Variants in EXOC4 observed in about 807,000 individuals in gnomAD.
EXOC4 encodes exocyst complex component 4.
EXOC4 carries 71 observed loss-of-function variants against 107.2 expected under a neutral mutation model. The observed-to-expected ratio is 0.66, with a 90% confidence interval of 0.55 to 0.81. The LOEUF (loss-of-function observed/expected upper bound fraction) is 0.81. Ranked by LOEUF, EXOC4 falls within the 30% of genes least tolerant of loss-of-function variation. EXOC4 has a pLI of 0.00. For missense variants in EXOC4, 1,108 were observed against 1,189.6 expected (o/e 0.93, Z 1.01); for synonymous variants, 456 against 441.2 (o/e 1.03, Z -0.42).
chr7:134,083,315 A>G, the EXOC4 span, among the ~76,000 whole-genome samples: 1 of 152,210 alleles, frequency 6.6e-6, no homozygotes, highest in African/African-American at 2.4e-5. Flanking sequence ...GTCAGGGTCT[A>G]CCTCTAGTCC....
the EXOC4 span, among the ~76,000 whole-genome samples, chr7:134,094,982 T>G: frequency 6.6e-5 from 10 of 151,844 alleles, no homozygotes; most frequent in East Asian, 1.9e-4. Context: ...AAGAAAGAAA[T>G]AAAAGGCATC....
In EXOC4 at chr7:133,609,289, A is replaced by G. The variant is rs144819737; in HGVS notation, c.1418-20756A>G. Among the ~76,000 whole-genome samples the G allele has an allele frequency of 2.6e-5, 4 of 152,296 alleles. No homozygotes were observed. The East Asian group carries it at 7.7e-4, about 29-fold the overall frequency. On this transcript the variant is annotated intron_variant, in intron 9 of 17. Coordinates refer to ENST00000253861, the MANE Select transcript of EXOC4 (RefSeq NM_021807.4). ...CTTCTTCCTATTATTTTATGTGTGGACTGTTTCCATACTTAAATTGAACTT... is the reference window on the plus strand; with the variant it reads ...CTTCTTCCTATTATTTTATGTGTGGGCTGTTTCCATACTTAAATTGAACTT...
chr7:133,578,205 C>A (rs747915340), intron 9 of EXOC4, among the ~76,000 whole-genome samples: 4 of 152,034 alleles, frequency 2.6e-5, no homozygotes, highest in Non-Finnish European at 5.9e-5. Context: ...CCTATTTATC[C>A]CTTTTAAATC....
At chr7:133,967,108 C>A (rs144636590) in intron 14 of EXOC4, among the ~76,000 whole-genome samples, 2 of 152,150 alleles carry the variant, frequency 1.3e-5, no homozygotes, top group East Asian at 3.9e-4. Context: ...CTAGTTTATT[C>A]ACATAGAGGT....
At chr7:134,087,468 C>T in the EXOC4 span, among the ~76,000 whole-genome samples, 4 of 152,266 alleles carry the variant, frequency 2.6e-5, no homozygotes, top group East Asian at 7.7e-4. Context: ...CTCTTTCCTA[C>T]ACAAAGAGTA....
intron 17 of EXOC4, among the ~76,000 whole-genome samples, chr7:134,050,881 G>T (rs915508153): frequency 1.3e-5 from 2 of 152,082 alleles, no homozygotes; most frequent in Admixed American, 6.6e-5. Context: ...AGAACTGGGG[G>T]TTAGTCTAGG....
At chr7:133,281,258 A>G (rs1001325667) in intron 2 of EXOC4, among the ~76,000 whole-genome samples, 1 of 151,880 alleles carries the variant, frequency 6.6e-6, no homozygotes, top group African/African-American at 2.4e-5. Context: ...CAATGTGCAC[A>G]TGTACCCTAA....
At chr7:133,949,957 G>T (rs2116785888) in intron 14 of EXOC4, among the ~76,000 whole-genome samples, 1 of 152,290 alleles carries the variant, frequency 6.6e-6, no homozygotes. Flanking sequence ...GGGATGTGCA[G>T]TAAGGCCTAT....
intron 5 of EXOC4, among the ~76,000 whole-genome samples, chr7:133,348,209 T>G (rs1284780051): frequency 6.6e-6 from 1 of 152,190 alleles, no homozygotes; most frequent in East Asian, 1.9e-4. Flanking sequence ...TTAAATTGCC[T>G]TTTAATTTTC....
intron 7 of EXOC4, among the ~76,000 whole-genome samples, chr7:133,467,589 T>C (rs965853054): frequency 2.0e-5 from 3 of 151,508 alleles, no homozygotes; most frequent in Non-Finnish European, 4.4e-5. Context: ...AGATTCTTTT[T>C]TTTTTTTTTT....
At chr7:133,701,704 ATT>A (rs1307924419) in intron 10 of EXOC4, among the ~76,000 whole-genome samples, 1 of 152,026 alleles carries the variant, frequency 6.6e-6, no homozygotes, top group Non-Finnish European at 1.5e-5. Context: ...TGCATTTCTG[ATT>A]TTTTTCAGAT....
At chr7:133,614,114 C>G (rs1025515164) in intron 9 of EXOC4, among the ~76,000 whole-genome samples, 11 of 152,000 alleles carry the variant, frequency 7.2e-5, no homozygotes, top group Non-Finnish European at 5.9e-5. Flanking sequence ...TCGGCCTGAA[C>G]AGGTTTTTAA....
At chr7:133,441,644 C>T (rs1010244797) in intron 7 of EXOC4, among the ~76,000 whole-genome samples, 5 of 152,266 alleles carry the variant, frequency 3.3e-5, no homozygotes, top group Non-Finnish European at 5.9e-5. Flanking sequence ...TCACCCACCT[C>T]GGCCTCCCAA....
At chr7:133,976,565 G>A (rs1793836481) in intron 14 of EXOC4, among the ~76,000 whole-genome samples, 1 of 77,224 alleles carries the variant, frequency 1.3e-5, no homozygotes, top group African/African-American at 4.9e-5. Flanking sequence ...ATGATAGTTA[G>A]CACATGGAAA....
intron 10 of EXOC4, among the ~76,000 whole-genome samples, chr7:133,716,562 C>A (rs1218976457): frequency 6.6e-6 from 1 of 152,260 alleles, no homozygotes; most frequent in East Asian, 1.9e-4. Context: ...CCTGTCATGA[C>A]ATATAGAAAT....
At position 133,791,189 on chromosome 7, in the gene EXOC4, G is replaced by C. The variant is rs1796696401; in HGVS notation, c.1515-26136G>C. ...AGCGGGCAACTGATCTCATTCAGCA[G>C]CTGCCTGTTTAGGCTACCCAACCCC... On this transcript the variant is annotated intron_variant, in intron 10 of 17. Transcript: ENST00000253861. Among the ~76,000 whole-genome samples, 4 of 152,292 alleles carry C rather than the reference G, an allele frequency of 2.6e-5. No homozygotes were observed. The South Asian group carries it at 8.3e-4, about 32-fold the overall frequency.
At chr7:133,272,106 A>G (rs962278081) in intron 1 of EXOC4, among the ~76,000 whole-genome samples, 9 of 152,246 alleles carry the variant, frequency 5.9e-5, no homozygotes, top group Admixed American at 3.3e-4. Flanking sequence ...TGCTAGTGAC[A>G]TACCAGGCCT....
rs181349590 is a variant in EXOC4 at position 133,267,128 on chromosome 7, C to G, written c.87-7854C>G. Among the ~76,000 whole-genome samples the G allele has an allele frequency of 3.9e-5, 6 of 152,292 alleles. No individual in the cohort carries two copies. The East Asian group carries it at 1.2e-3, about 29-fold the overall frequency. On this transcript the variant is annotated intron_variant, in intron 1 of 17. Coordinates refer to ENST00000253861, the MANE Select transcript of EXOC4 (RefSeq NM_021807.4). Reference sequence around the variant, plus strand: ...TATTCTTGCACAAGCCATCTCACATCTTTTTTGGGAAGAGGTGGGATATAA... The same window carrying G: ...TATTCTTGCACAAGCCATCTCACATGTTTTTTGGGAAGAGGTGGGATATAA...
At chr7:133,542,169 TTGTGTGTGTGTGTG>T (rs3046171) in intron 9 of EXOC4, among the ~76,000 whole-genome samples, 1 of 147,056 alleles carries the variant, frequency 6.8e-6, no homozygotes, top group East Asian at 2.0e-4. Flanking sequence ...AAATTTTATC[TTGTGTGTGTGTGTG>T]TGTGTGTGTG....
Sources: gnomAD v4.1 joint callset for allele counts (sites outside exome capture counted in the v4.1 genomes callset) on GRCh38, gnomAD v4.1.1 for gene constraint, MANE v1.5 for transcripts, NCBI Gene and HGNC (gene_info 2026-07-23, HGNC 2026-07-21) for gene names.